The following MAIP1 variants were observed in gnomAD, a reference collection of about 807,000 sequenced individuals.
MAIP1 encodes the protein matrix AAA peptidase interacting protein 1, also known as m-AAA protease-interacting protein 1, mitochondrial.
A neutral mutation model predicts 31.2 loss-of-function variants in MAIP1; 28 were observed. The observed-to-expected ratio is 0.90, with a 90% CI of 0.67 to 1.23. MAIP1 has a LOEUF of 1.23. Among genes scored for constraint, MAIP1 ranks in the 50% most tolerant of loss-of-function variants. The pLI, the probability that MAIP1 is intolerant of heterozygous loss-of-function variation, is 0.00. For synonymous variants in MAIP1, 142 were observed against 142.3 expected (o/e 1.00, Z 0.02); for missense variants, 339 against 356.0 (o/e 0.95, Z 0.38).
chr2:199,962,329 C>T (rs2077641259), intron 4 of MAIP1, among the ~76,000 whole-genome samples: 1 of 152,206 alleles, frequency 6.6e-6, no homozygotes, highest in Non-Finnish European at 1.5e-5. Context: ...TCTTAACTCG[C>T]ATGGGTGGCA....
At position 199,955,655 on chromosome 2, in the gene MAIP1, G is replaced by A; in HGVS notation, c.-144G>A. 5 of 1,115,672 alleles carry A rather than the reference G, an allele frequency of 4.5e-6. No individual in the cohort carries two copies. The East Asian group carries it at 7.7e-5, about 17-fold the overall frequency. The allele number at this position is 1,115,672 out of a possible 1,614,324, so 69.1% of individuals were successfully genotyped here. A position where few individuals can be genotyped will look rare whatever the true frequency, so the allele number is the denominator to read the frequency against. ...CTCGGCCTGGGCTGCGTGCTGGAGAGCGGGGACGGGGCCGACTCACCAGAG... is the reference window on the plus strand; with the variant it reads ...CTCGGCCTGGGCTGCGTGCTGGAGAACGGGGACGGGGCCGACTCACCAGAG... On this transcript the variant is annotated 5_prime_UTR_variant, in exon 1 of 5. Transcript: ENST00000392290.
chr2:199,957,676 CTATA>C (rs1047384483), intron 1 of MAIP1, among the ~76,000 whole-genome samples: 1 of 152,134 alleles, frequency 6.6e-6, no homozygotes, highest in African/African-American at 2.4e-5. Context: ...CTCTTGACTA[CTATA>C]TATATTTATA....
Position 199,955,711 on chromosome 2 carries a change from GTC to G in MAIP1, c.-84_-83del. On this transcript the variant is annotated 5_prime_UTR_variant, in exon 1 of 5. Transcript: ENST00000392290. ...AGCAACAGGTCCACTTTGCTCTCCAGTCTCTTTCTCCGACACCGCTGAGGCGG... is the reference window on the plus strand; with the variant it reads ...AGCAACAGGTCCACTTTGCTCTCCAGTCTTTCTCCGACACCGCTGAGGCGG... The G allele has an allele frequency of 5.2e-6, 7 of 1,341,608 alleles. No homozygotes were observed. The highest frequency in any genetic ancestry group is 7.1e-6 in the Non-Finnish European group (7 of 989,928). 83.1% of individuals were successfully genotyped at this position (1,341,608 alleles called of 1,614,324 possible). A position where few individuals can be genotyped will look rare whatever the true frequency, so the allele number is the denominator to read the frequency against.
chr2:199,961,661 C>T, intron 3 of MAIP1, 120 bp from the exon 4 acceptor site: 2 of 783,476 alleles, frequency 2.6e-6, no homozygotes, highest in Non-Finnish European at 4.0e-6. Flanking sequence ...TCAGAATAAG[C>T]ACAAAATTTG....
In MAIP1 at chr2:199,955,609, C is replaced by T. The variant is rs2077594056; in HGVS notation, c.-190C>T. The T allele has an allele frequency of 2.4e-6, 3 of 1,270,666 alleles. No individual in the cohort carries two copies. The highest frequency in any genetic ancestry group is 2.1e-6 in the Non-Finnish European group (2 of 933,926). The allele number at this position is 1,270,666 out of a possible 1,614,324, so 78.7% of individuals were successfully genotyped here. On this transcript the variant is annotated 5_prime_UTR_variant, in exon 1 of 5. Coordinates refer to ENST00000392290, the MANE Select transcript of MAIP1 (RefSeq NM_001394955.1). ...ACTCCAGAGTGGCTGGGTCCGAGCGCGGGGCGGGTTGCCGAAGGGCCTCGG... is the reference window on the plus strand; with the variant it reads ...ACTCCAGAGTGGCTGGGTCCGAGCGTGGGGCGGGTTGCCGAAGGGCCTCGG...
rs748588415 is a variant in MAIP1 at position 199,963,753 on chromosome 2, A to G, written c.818A>G (p.Gln273Arg). Residue 273 changes from glutamine (Q) to arginine (R), a missense_variant, in exon 5 of 5, where the codon CAA becomes CGA. Gln to Arg is a conservative substitution (Grantham distance 43, BLOSUM62 1). Coordinates refer to ENST00000392290, the MANE Select transcript of MAIP1 (RefSeq NM_001394955.1). ...ASYEFQREFT[Q>R]GVKPDWTIAR... is the part of the protein sequence containing the mutation. ...CCTAGGTTTCAGAGGGAGTTCACAC[A>G]AGGAGTAAAGCCTGACTGGACCATT... 5 of 1,605,298 alleles carry G rather than the reference A, an allele frequency of 3.1e-6. No individual in the cohort carries two copies. The highest frequency in any genetic ancestry group is 8.5e-7 in the Non-Finnish European group (1 of 1,172,664).
chr2:199,963,042 TC>T, intron 4 of MAIP1, among the ~76,000 whole-genome samples: 1 of 152,206 alleles, frequency 6.6e-6, no homozygotes, highest in Admixed American at 6.5e-5. Flanking sequence ...TTTTTTTTGC[TC>T]TTCTTAAAAG....
chr2:199,959,150 ATGT>A (rs1400879995), intron 1 of MAIP1, 115 bp from the exon 2 acceptor site: 2 of 612,288 alleles, frequency 3.3e-6, no homozygotes, highest in Admixed American at 2.8e-5. Flanking sequence ...TTAATATTTG[ATGT>A]TGTTTATCAC....
chr2:199,955,640 G>A lies in MAIP1; in HGVS notation c.-159G>A. ...GGGTTGCCGAAGGGCCTCGGCCTGGGCTGCGTGCTGGAGAGCGGGGACGGG... is the reference window on the plus strand; with the variant it reads ...GGGTTGCCGAAGGGCCTCGGCCTGGACTGCGTGCTGGAGAGCGGGGACGGG... On this transcript the variant is annotated 5_prime_UTR_variant, in exon 1 of 5. Transcript: ENST00000392290. 18 of 1,138,582 alleles carry A rather than the reference G, an allele frequency of 1.6e-5. No individual in the cohort carries two copies. Among genetic ancestry groups the A allele is most frequent in the Non-Finnish European group, 2.1e-5 (17 of 820,464 alleles). The allele number at this position is 1,138,582 out of a possible 1,614,324, so 70.5% of individuals were successfully genotyped here. A position where few individuals can be genotyped will look rare whatever the true frequency, so the allele number is the denominator to read the frequency against.
At chr2:199,960,345 A>C (rs1326197462) in intron 3 of MAIP1, among the ~76,000 whole-genome samples, 1 of 152,210 alleles carries the variant, frequency 6.6e-6, no homozygotes, top group Non-Finnish European at 1.5e-5. Context: ...GAGAATAATG[A>C]AAAAAGTTGG....
chr2:199,961,674 C>CTGT, intron 3 of MAIP1, 107 bp from the exon 4 acceptor site: 2 of 922,252 alleles, frequency 2.2e-6, no homozygotes, highest in Non-Finnish European at 3.2e-6. Flanking sequence ...AAAATTTGAC[C>CTGT]TGTAACAACT....
At chr2:199,960,442 A>G (rs192589162) in intron 3 of MAIP1, among the ~76,000 whole-genome samples, 1 of 152,318 alleles carries the variant, frequency 6.6e-6, no homozygotes, top group East Asian at 1.9e-4. Context: ...TTTGTTCCTG[A>G]TACATACAAA....
chr2:199,960,096 A>G (rs2077628357), intron 3 of MAIP1, among the ~76,000 whole-genome samples: 1 of 152,192 alleles, frequency 6.6e-6, no homozygotes, highest in South Asian at 2.1e-4. Context: ...TTCTGCTACT[A>G]TTTTATTCAC....
rs540973289 is a variant in MAIP1, at chr2:199,960,048, T to C, written c.649+168T>C. ...ACCTACTTCTGAAAGAGTTGAGATA[T>C]GGTCATCATTTCTTAAGCCTTTCTA... is the stretch of plus-strand genomic sequence containing the variant. On this transcript the variant is annotated intron_variant, in intron 3 of 4. Transcript: ENST00000392290. Among the ~76,000 whole-genome samples the C allele has an allele frequency of 7.9e-5, 12 of 152,350 alleles. 1 individual carries two copies. Among genetic ancestry groups the C allele is most frequent in the Non-Finnish European group, 8.8e-5 (6 of 68,026 alleles).
At position 199,963,774 on chromosome 2, in the gene MAIP1, C is replaced by CTATTG. The variant is rs2077648595; in HGVS notation, c.839_840insTATTG (p.Arg283LeufsTer10). 1 of 1,609,782 alleles carries CTATTG rather than the reference C, an allele frequency of 6.2e-7. No homozygotes were observed. Among genetic ancestry groups the CTATTG allele is most frequent in the Non-Finnish European group, 8.5e-7 (1 of 1,176,610 alleles). ...ACACAAGGAGTAAAGCCTGACTGGACCATTGCACGGATTGAACACTCAAAA... is the reference window on the plus strand; with the variant it reads ...ACACAAGGAGTAAAGCCTGACTGGACTATTGCATTGCACGGATTGAACACTCAAAA... On this transcript the variant is annotated frameshift_variant, in exon 5 of 5. Coordinates refer to ENST00000392290, the MANE Select transcript of MAIP1 (RefSeq NM_001394955.1). LOFTEE classifies it high-confidence loss of function.
intron 3 of MAIP1, 90 bp from the exon 4 acceptor site, chr2:199,961,691 C>G (rs897611830): frequency 3.1e-5 from 38 of 1,224,470 alleles, no homozygotes; most frequent in Non-Finnish European, 4.3e-5. Flanking sequence ...AACTGTATAA[C>G]TGCTGCCAAT....
chr2:199,959,647 A>G (rs1167238555), intron 2 of MAIP1, 107 bp from the exon 3 acceptor site: 1 of 974,680 alleles, frequency 1.0e-6, no homozygotes, highest in Admixed American at 2.4e-5. Flanking sequence ...ATACGGTAGT[A>G]AATTTAAAAA....
At chr2:199,957,585 C>A (rs1368262351) in intron 1 of MAIP1, among the ~76,000 whole-genome samples, 1 of 152,040 alleles carries the variant, frequency 6.6e-6, no homozygotes, top group Non-Finnish European at 1.5e-5. Context: ...TTTATAAGAC[C>A]AATCAGTTGT....
Position 199,955,593 on chromosome 2 carries a change from T to C in MAIP1, c.-206T>C, listed in dbSNP as rs961796013. 86 of 1,337,222 alleles carry C rather than the reference T, an allele frequency of 6.4e-5. No individual in the cohort carries two copies. In the Middle Eastern group the frequency reaches 1.5e-3, roughly 24 times the overall value. The allele number at this position is 1,337,222 out of a possible 1,614,324, so 82.8% of individuals were successfully genotyped here. A position where few individuals can be genotyped will look rare whatever the true frequency, so the allele number is the denominator to read the frequency against. On this transcript the variant is annotated 5_prime_UTR_variant, in exon 1 of 5. Transcript: ENST00000392290. ...TCCGCGAGGCCGGCAGACTCCAGAG[T>C]GGCTGGGTCCGAGCGCGGGGCGGGT...
Sources: allele counts gnomAD v4.1 joint callset (sites outside exome capture counted in the v4.1 genomes callset), GRCh38; gene constraint gnomAD v4.1.1; transcripts MANE v1.5; gene names NCBI Gene and HGNC (gene_info 2026-07-23, HGNC 2026-07-21).